Variants in MYO3B observed in about 807,000 individuals in gnomAD.
The protein encoded by MYO3B is myosin IIIB, also known as myosin-IIIb.
In MYO3B, 156 loss-of-function variants were observed where a neutral mutation model predicts 174.6. The observed-to-expected ratio is 0.89, with a 90% CI of 0.78 to 1.02. The LOEUF is 1.02. MYO3B is among the 50% of genes least tolerant of loss of function. MYO3B has a pLI of 0.00. For synonymous variants in MYO3B, 563 were observed against 569.1 expected (o/e 0.99, Z 0.15); for missense variants, 1,632 against 1,639.4 (o/e 1.00, Z 0.08).
At position 170,231,154 on chromosome 2, in the gene MYO3B, G is replaced by A. The variant is rs2093011619; in HGVS notation, c.604-4837G>A. Among the ~76,000 whole-genome samples the A allele has an allele frequency of 2.0e-5, 3 of 152,214 alleles. No individual in the cohort carries two copies. In the South Asian group the frequency reaches 6.2e-4, roughly 32 times the overall value. ...GTTGTGCATGTGGTTTCATCCCATA[G>A]ATTCCCGCAGGAGAGGGGAGGTGTT... On this transcript the variant is annotated intron_variant, in intron 6 of 34. Transcript: ENST00000408978.
intron 6 of MYO3B, among the ~76,000 whole-genome samples, chr2:170,228,122 G>A (rs988203869): frequency 1.5e-4 from 23 of 152,152 alleles, no homozygotes; most frequent in South Asian, 2.1e-4. Context: ...GGTTCATAGC[G>A]TAGATGTTAC....
Position 170,469,338 on chromosome 2 carries a change from C to G in MYO3B, c.3014+2627C>G, listed in dbSNP as rs888274381. 5.9e-5 allele frequency among the ~76,000 whole-genome samples: 9 copies of G among 152,280 alleles called. No individual in the cohort carries two copies. In the South Asian group the frequency reaches 1.9e-3, roughly 32 times the overall value. On this transcript the variant is annotated intron_variant, in intron 25 of 34. Transcript: ENST00000408978. ...ACAAAGCCCACATTCTAAAGATTTT[C>G]AAGGATTACTTGCAGATGCCTGGGG... is the stretch of plus-strand genomic sequence containing the variant.
chr2:170,630,575 G>A (rs1356930913), intron 32 of MYO3B, among the ~76,000 whole-genome samples: 1 of 152,192 alleles, frequency 6.6e-6, no homozygotes, highest in Non-Finnish European at 1.5e-5. Context: ...TTTGAGCTCT[G>A]AGAACAGATA....
At chr2:170,378,727 C>T (rs1326540560) in intron 9 of MYO3B, among the ~76,000 whole-genome samples, 6 of 152,192 alleles carry the variant, frequency 3.9e-5, no homozygotes, top group African/African-American at 1.4e-4. Context: ...TACTAGACTG[C>T]ATCTATTTGT....
intron 7 of MYO3B, among the ~76,000 whole-genome samples, chr2:170,313,425 A>T (rs1192742660): frequency 6.6e-6 from 1 of 152,196 alleles, no homozygotes; most frequent in African/African-American, 2.4e-5. Flanking sequence ...ACCTTAGAAA[A>T]ATGATTCCAG....
chr2:170,353,318 T>G (rs2094091579), intron 8 of MYO3B, among the ~76,000 whole-genome samples: 1 of 152,164 alleles, frequency 6.6e-6, no homozygotes, highest in Admixed American at 6.5e-5. Flanking sequence ...AGAGTCTATA[T>G]ACTGTAGGAT....
intron 30 of MYO3B, among the ~76,000 whole-genome samples, chr2:170,527,464 C>T (rs1689076879): frequency 6.6e-6 from 1 of 152,230 alleles, no homozygotes; most frequent in Non-Finnish European, 1.5e-5. Flanking sequence ...GTCATTCGGA[C>T]TTCTGATAGC....
At chr2:170,289,685 A>G (rs556149165) in intron 7 of MYO3B, among the ~76,000 whole-genome samples, 1 of 150,822 alleles carries the variant, frequency 6.6e-6, no homozygotes, top group African/African-American at 2.4e-5. Flanking sequence ...GTGGTTTTTT[A>G]GTCTCAATTT....
At chr2:170,227,626 T>C (rs1048929329) in intron 6 of MYO3B, among the ~76,000 whole-genome samples, 7 of 152,078 alleles carry the variant, frequency 4.6e-5, no homozygotes, top group Non-Finnish European at 1.0e-4. Context: ...ACAGAATCAC[T>C]CTCTAACAGG....
At chr2:170,195,182 C>T (rs2092584964) in intron 1 of MYO3B, among the ~76,000 whole-genome samples, 1 of 151,922 alleles carries the variant, frequency 6.6e-6, no homozygotes, top group Non-Finnish European at 1.5e-5. Context: ...AGGGCAGTCA[C>T]CTGGCAAAGA....
intron 7 of MYO3B, among the ~76,000 whole-genome samples, chr2:170,321,579 A>G (rs2093826712): frequency 1.3e-5 from 2 of 152,206 alleles, no homozygotes; most frequent in South Asian, 4.1e-4. Context: ...TAGTGAAAAG[A>G]AGGAGACCAG....
chr2:170,512,887 C>T (rs892784806), intron 28 of MYO3B, among the ~76,000 whole-genome samples: 4 of 152,160 alleles, frequency 2.6e-5, no homozygotes, highest in African/African-American at 9.7e-5. Flanking sequence ...TTGGGCAAGT[C>T]ATTTAACCTC....
intron 7 of MYO3B, among the ~76,000 whole-genome samples, chr2:170,303,097 A>G (rs2093676726): frequency 1.3e-5 from 2 of 152,192 alleles, no homozygotes; most frequent in Non-Finnish European, 1.5e-5. Context: ...CAACAAAACT[A>G]CTTCATTCTT....
chr2:170,215,195 C>T (rs936086386), intron 5 of MYO3B, among the ~76,000 whole-genome samples: 8 of 152,196 alleles, frequency 5.3e-5, no homozygotes, highest in Admixed American at 1.3e-4. Context: ...TTTGGTCTTT[C>T]AAATGACTTT....
chr2:170,259,500 T>C (rs1042847540), intron 7 of MYO3B, among the ~76,000 whole-genome samples: 2 of 152,150 alleles, frequency 1.3e-5, no homozygotes, highest in African/African-American at 4.8e-5. Context: ...TAACTGGCTA[T>C]CCTTTTGCAG....
intron 13 of MYO3B, 43 bp downstream of exon 13, chr2:170,386,315 A>C: frequency 6.7e-7 from 1 of 1,501,458 alleles, no homozygotes; most frequent in Non-Finnish European, 9.3e-7. Flanking sequence ...AGAAGTTCCT[A>C]CAGAGTAACT....
intron 7 of MYO3B, among the ~76,000 whole-genome samples, chr2:170,244,887 T>C (rs2093172558): frequency 1.3e-5 from 2 of 152,274 alleles, no homozygotes; most frequent in South Asian, 4.1e-4. Flanking sequence ...GTGGCTAAGA[T>C]GGAAAAACAT....
At chr2:170,356,853 C>T (rs1052038502) in intron 8 of MYO3B, among the ~76,000 whole-genome samples, 1 of 152,122 alleles carries the variant, frequency 6.6e-6, no homozygotes, top group African/African-American at 2.4e-5. Context: ...TCATGGCTCA[C>T]TGCAGCCTCA....
rs533068123 is a variant in MYO3B, at chr2:170,328,307, C to G, written c.750-7078C>G. On this transcript the variant is annotated intron_variant, in intron 7 of 34. Transcript: ENST00000408978. ...GGTAGCAGATTCTTGCAAGTGGAAC[C>G]CAGCAATAAGGTTCAGTGTTTGTAG... Among the ~76,000 whole-genome samples the G allele has an allele frequency of 4.3e-4, 66 of 152,238 alleles. No individual in the cohort carries two copies. The South Asian group carries it at 8.7e-3, about 20-fold the overall frequency.
Sources: gnomAD v4.1 joint callset for allele counts (sites outside exome capture counted in the v4.1 genomes callset) on GRCh38, gnomAD v4.1.1 for gene constraint, MANE v1.5 for transcripts, NCBI Gene and HGNC (gene_info 2026-07-23, HGNC 2026-07-21) for gene names.